AXDND1: variants seen among roughly 807,000 people sequenced by gnomAD.
AXDND1 encodes the protein axonemal dynein light chain domain containing 1.
In AXDND1, 110 loss-of-function variants were observed where a neutral mutation model predicts 137.5. That is an observed-to-expected ratio of 0.80 (90% confidence interval 0.69 to 0.94). The LOEUF (loss-of-function observed/expected upper bound fraction) is 0.94. Among genes scored for constraint, AXDND1 ranks in the 40% least tolerant of loss-of-function variants. The probability of loss-of-function intolerance (pLI) is 0.00; values close to 1 mark genes in which losing one functional copy is unlikely to be tolerated. For synonymous variants in AXDND1, 414 were observed against 399.7 expected, an observed-to-expected ratio of 1.04 and a Z score of -0.43; for missense variants, 1,191 against 1,169.8, an observed-to-expected ratio of 1.02 and a Z score of -0.26.
At position 179,534,905 on chromosome 1, in the gene AXDND1, C is replaced by G. The variant is rs79330752; in HGVS notation, c.2974C>G (p.Gln992Glu). ...AAGAGAAGTAAAAGAAGAAGAAGAA[C>G]AACAAGAAGAAGAAGAAGTCAGGTC... ...DEREVKEEEE[Q>E]QEEEEVRSAE... is the part of the protein sequence containing the mutation. The change falls in exon 25 of 26, where the codon CAA (glutamine) becomes GAA (glutamate). Residue 992 changes from glutamine to glutamate, a missense_variant. Coordinates refer to ENST00000367618, the MANE Select transcript of AXDND1 (RefSeq NM_144696.6). 24 of 1,501,212 alleles carry G rather than the reference C, an allele frequency of 1.6e-5. No individual in the cohort carries two copies. The highest frequency in any genetic ancestry group is 9.7e-5 in the East Asian group (4 of 41,432). 93.0% of individuals were successfully genotyped at this position (1,501,212 alleles called of 1,614,324 possible).
At chr1:179,460,373 C>T (rs550357269) in intron 16 of AXDND1, among the ~76,000 whole-genome samples, 24 of 152,272 alleles carry the variant, frequency 1.6e-4, no homozygotes, top group Admixed American at 9.8e-4. Context: ...GACATGAACT[C>T]ATCCTTTTTT....
intron 11 of AXDND1, among the ~76,000 whole-genome samples, chr1:179,402,118 G>C (rs1289155986): frequency 6.9e-6 from 1 of 145,100 alleles, no homozygotes; most frequent in Non-Finnish European, 1.5e-5. Context: ...GTTGCAGTGA[G>C]CCGACATCAT....
intron 16 of AXDND1, chr1:179,451,947 A>G (rs1368561731): frequency 1.3e-5 from 2 of 154,340 alleles, no homozygotes; most frequent in African/African-American, 4.8e-5. Context: ...TGCTGCTGAA[A>G]AGATACCTGA....
chr1:179,372,922 A>T (rs934274192), intron 4 of AXDND1, among the ~76,000 whole-genome samples: 3 of 152,120 alleles, frequency 2.0e-5, no homozygotes, highest in Admixed American at 6.6e-5. Flanking sequence ...ACCTCAGGTG[A>T]TCCACCCGCC....
chr1:179,503,929 A>T (rs1461815156), intron 20 of AXDND1, among the ~76,000 whole-genome samples: 1 of 152,160 alleles, frequency 6.6e-6, no homozygotes, highest in African/African-American at 2.4e-5. Context: ...TTCCCATTTT[A>T]TTTCACATAG....
chr1:179,480,641 G>A (rs139432639), intron 17 of AXDND1, among the ~76,000 whole-genome samples: 233 of 152,238 alleles, frequency 1.5e-3, no homozygotes, highest in African/African-American at 4.9e-3. Context: ...ATCATGCCTT[G>A]TAAGGTTTCT....
intron 12 of AXDND1, 109 bp downstream of exon 12, chr1:179,411,375 C>G: frequency 7.1e-7 from 1 of 1,412,810 alleles, no homozygotes; most frequent in Admixed American, 2.2e-5. Context: ...GAGTCTTACT[C>G]ACTCTGTTGC....
At chr1:179,400,777 C>T (rs1238333474) in intron 11 of AXDND1, among the ~76,000 whole-genome samples, 6 of 150,552 alleles carry the variant, frequency 4.0e-5, no homozygotes, top group Non-Finnish European at 7.4e-5. Context: ...TGGTGGCAGG[C>T]GCCTGTAGTC....
intron 17 of AXDND1, among the ~76,000 whole-genome samples, chr1:179,479,236 G>A (rs1381758598): frequency 6.6e-6 from 1 of 152,142 alleles, no homozygotes; most frequent in Non-Finnish European, 1.5e-5. Context: ...CAGCACTTTG[G>A]GAGGCCAAGG....
rs200221312 is a variant in AXDND1 at position 179,535,021 on chromosome 1, T to G, written c.3031+59T>G. 7.4e-5 allele frequency: 119 copies of G among 1,602,776 alleles called. 1 individual carries two copies. The Middle Eastern group carries it at 1.2e-3, about 16-fold the overall frequency. ...TTGTATTTATGAAAGAAAATTTGAC[T>G]GGGCCACAAATATTGTAGAAGAACA... On this transcript the variant is annotated intron_variant, in intron 25 of 25. Transcript: ENST00000367618.
In AXDND1 at chr1:179,455,788, C is replaced by A; in HGVS notation, c.1798+10584C>A. ...AGGACAATAGAAGTAGGAGGAAACC[C>A]AATAGAATTGAGTCATAAGAAGCCA... is the stretch of plus-strand genomic sequence containing the variant. On this transcript the variant is annotated intron_variant, in intron 16 of 25. Transcript: ENST00000367618. 2.3e-5 allele frequency: 4 copies of A among 176,424 alleles called. No homozygotes were observed. In the South Asian group the frequency reaches 5.4e-4, roughly 24 times the overall value. 10.9% of individuals were successfully genotyped at this position (176,424 alleles called of 1,614,324 possible).
chr1:179,422,936 G>C (rs1655994748), intron 12 of AXDND1, among the ~76,000 whole-genome samples: 1 of 152,008 alleles, frequency 6.6e-6, no homozygotes, highest in Non-Finnish European at 1.5e-5. Flanking sequence ...GCTAATTTTT[G>C]TATTTTTAGT....
In AXDND1 at chr1:179,482,098, ATTTT is replaced by A. The variant is rs57145549; in HGVS notation, c.1998-1007_1998-1004del. ...TTGGGACAAGATTAGGAGCTTTTTA[ATTTT>A]TTTTTTTTTTTTTTTTTTTTTTGCC... On this transcript the variant is annotated intron_variant, in intron 17 of 25. Coordinates refer to ENST00000367618, the MANE Select transcript of AXDND1 (RefSeq NM_144696.6). Among the ~76,000 whole-genome samples the A allele has an allele frequency of 8.2e-3, 887 of 107,992 alleles. 6 individuals carry two copies. The highest frequency in any genetic ancestry group is 0.032 in the African/African-American group (826 of 25,770). The allele number at this position is 107,992 out of a possible 152,430, so 70.8% of individuals were successfully genotyped here.
chr1:179,411,182 A>G lies in AXDND1; in HGVS notation c.1146A>G (p.Gln382=). 6.2e-7 allele frequency: 1 copy of G among 1,610,968 alleles called. No individual in the cohort carries two copies. Among genetic ancestry groups the G allele is most frequent in the African/African-American group, 1.3e-5 (1 of 74,888 alleles). The stretch of plus-strand genomic sequence containing the variant: ...AATATCATGACTTATATACATTACA[A>G]AGAGAAAGGATGGAGAATGATATGA... The part of the protein sequence containing the change: ...VEEYHDLYTL[Q]RERMENDMKK... The change falls in exon 12 of 26, where the codon CAA becomes CAG. Residue 382 remains glutamine, a synonymous_variant. Transcript: ENST00000367618.
Position 179,492,909 on chromosome 1 carries a change from C to A in AXDND1, c.2346C>A (p.His782Gln). ...CTCTGAGTAAATCCACTAACTCACA[C>A]AAAAATGCTACTGAAGACCTTTATG... is the stretch of plus-strand genomic sequence containing the variant. ...AMALSKSTNS[H>Q]KNATEDLYEV... The change falls in exon 20 of 26, where the codon CAC becomes CAA. Residue 782 changes from histidine (H) to glutamine (Q), a missense_variant. Transcript: ENST00000367618. 6.2e-7 allele frequency: 1 copy of A among 1,611,436 alleles called. No homozygotes were observed. Among genetic ancestry groups the A allele is most frequent in the South Asian group, 1.1e-5 (1 of 90,518 alleles).
chr1:179,505,314 T>G (rs574673273), intron 20 of AXDND1, among the ~76,000 whole-genome samples: 4 of 141,440 alleles, frequency 2.8e-5, no homozygotes, highest in Admixed American at 2.2e-4. Flanking sequence ...TGTTTCTGCT[T>G]CTTTCCAGCC....
intron 21 of AXDND1, among the ~76,000 whole-genome samples, chr1:179,513,031 A>T (rs1383895793): frequency 6.6e-6 from 1 of 152,030 alleles, no homozygotes; most frequent in Non-Finnish European, 1.5e-5. Flanking sequence ...CTTCCTCTTT[A>T]CCAATTTGGG....
At chr1:179,500,627 C>G (rs1376028407) in intron 20 of AXDND1, among the ~76,000 whole-genome samples, 1 of 152,066 alleles carries the variant, frequency 6.6e-6, no homozygotes, top group Non-Finnish European at 1.5e-5. Flanking sequence ...GCGATCCTGT[C>G]CAATACAGTA....
intron 16 of AXDND1, chr1:179,447,556 A>G: frequency 1.2e-6 from 1 of 839,066 alleles, no homozygotes; most frequent in African/African-American, 1.7e-5. Flanking sequence ...TGTATAAAAT[A>G]CATGTTTTAA....
Sources: allele counts gnomAD v4.1 joint callset (sites outside exome capture counted in the v4.1 genomes callset), GRCh38; gene constraint gnomAD v4.1.1; transcripts MANE v1.5; gene names NCBI Gene and HGNC (gene_info 2026-07-23, HGNC 2026-07-21).